The following PTPN4 variants were observed in gnomAD, a reference collection of about 807,000 sequenced individuals.
PTPN4 encodes protein tyrosine phosphatase non-receptor type 4.
Under a neutral mutation model 135.5 loss-of-function variants are expected in PTPN4, and 49 were observed. The observed-to-expected ratio is 0.36, with a 90% CI of 0.29 to 0.46. The LOEUF (loss-of-function observed/expected upper bound fraction) is 0.46. PTPN4 is among the 20% of genes least tolerant of loss of function. PTPN4 has a pLI of 1.00. For missense variants in PTPN4, 860 were observed against 1,101.0 expected (o/e 0.78, Z 3.10); for synonymous variants, 333 against 369.9 (o/e 0.90, Z 1.14).
rs1013570823 is a variant in PTPN4 at position 119,977,124 on chromosome 2, C to G, written c.*54C>G. On this transcript the variant is annotated 3_prime_UTR_variant, in exon 27 of 27. Transcript: ENST00000263708. ...GGAAAACTGCTTTCCCTTATGTTCA[C>G]TGTGCCATAATGCTGCTCGCAGGAA... is the stretch of plus-strand genomic sequence containing the variant. 1 of 1,531,402 alleles carries G rather than the reference C, an allele frequency of 6.5e-7. No homozygotes were observed. The highest frequency in any genetic ancestry group is 8.7e-7 in the Non-Finnish European group (1 of 1,145,964). 94.9% of individuals were successfully genotyped at this position (1,531,402 alleles called of 1,614,324 possible).
chr2:119,958,386 TAGAAAA>T (rs1436741690), intron 22 of PTPN4, among the ~76,000 whole-genome samples: 1 of 150,116 alleles, frequency 6.7e-6, no homozygotes, highest in African/African-American at 2.4e-5. Context: ...AGACAATTCA[TAGAAAA>T]GGAAATTATG....
At chr2:119,973,784 A>G (rs879608415) in intron 26 of PTPN4, among the ~76,000 whole-genome samples, 3 of 146,564 alleles carry the variant, frequency 2.0e-5, no homozygotes, top group Non-Finnish European at 4.4e-5. Context: ...TGTGTTTCCT[A>G]AAAGTGGTAC....
At chr2:119,762,625 T>G (rs898960330) in intron 1 of PTPN4, among the ~76,000 whole-genome samples, 28 of 152,124 alleles carry the variant, frequency 1.8e-4, no homozygotes, top group African/African-American at 6.5e-4. Context: ...ATGGCCACTT[T>G]TAAACAAGAA....
chr2:119,948,251 A>G (rs1219252171), intron 18 of PTPN4, among the ~76,000 whole-genome samples: 12 of 152,184 alleles, frequency 7.9e-5, no homozygotes, highest in Admixed American at 7.9e-4. Flanking sequence ...AAAACAGAAA[A>G]GAATAACAAT....
intron 12 of PTPN4, among the ~76,000 whole-genome samples, chr2:119,920,807 A>G (rs182877078): frequency 4.6e-5 from 7 of 152,296 alleles, no homozygotes. Context: ...GGAATAACTA[A>G]ATCTGAAGAA....
At chr2:119,839,855 T>G (rs996906014) in intron 2 of PTPN4, among the ~76,000 whole-genome samples, 2 of 152,174 alleles carry the variant, frequency 1.3e-5, no homozygotes, top group Admixed American at 1.3e-4. Context: ...GCAGCTTGCT[T>G]AGAGAGTAAG....
chr2:119,773,406 A>G (rs1307947031), intron 1 of PTPN4, among the ~76,000 whole-genome samples: 1 of 152,138 alleles, frequency 6.6e-6, no homozygotes, highest in Non-Finnish European at 1.5e-5. Context: ...ACACAGATGA[A>G]CTATATAGCC....
At chr2:119,909,463 C>G (rs929351409) in intron 10 of PTPN4, among the ~76,000 whole-genome samples, 1 of 152,154 alleles carries the variant, frequency 6.6e-6, no homozygotes, top group Non-Finnish European at 1.5e-5. Context: ...AGATTCCTTT[C>G]TGAATATTAC....
intron 5 of PTPN4, among the ~76,000 whole-genome samples, chr2:119,878,391 T>C (rs1678016901): frequency 6.6e-6 from 1 of 152,210 alleles, no homozygotes. Context: ...AATTCTCAGA[T>C]ATAAGAATAT....
intron 2 of PTPN4, among the ~76,000 whole-genome samples, chr2:119,844,169 C>T (rs1234493123): frequency 8.2e-6 from 1 of 121,632 alleles, no homozygotes; most frequent in Non-Finnish European, 1.8e-5. Flanking sequence ...CCCCCACCTC[C>T]CTCCCGGACG....
intron 1 of PTPN4, among the ~76,000 whole-genome samples, chr2:119,796,803 T>C (rs1691269555): frequency 6.6e-6 from 1 of 152,258 alleles, no homozygotes; most frequent in Middle Eastern, 3.4e-3. Flanking sequence ...CCACCAGTGA[T>C]GAATGAGAGA....
chr2:119,771,540 C>T (rs149324102), intron 1 of PTPN4: 2,568 of 152,244 alleles, frequency 0.017, 42 homozygotes, highest in Non-Finnish European at 0.027. Flanking sequence ...TGTGTTTTTC[C>T]GTGATTGCTG....
intron 1 of PTPN4, among the ~76,000 whole-genome samples, chr2:119,781,568 G>A (rs1690940258): frequency 6.6e-6 from 1 of 152,118 alleles, no homozygotes; most frequent in Admixed American, 6.5e-5. Context: ...TTTATCTTCA[G>A]TGTATTCTGC....
rs939830713 is a variant in PTPN4, at chr2:119,980,685, C to T, written c.*3615C>T. 2 of 151,838 alleles carry T rather than the reference C, an allele frequency of 1.3e-5. No homozygotes were observed. Among genetic ancestry groups the T allele is most frequent in the Non-Finnish European group, 2.9e-5 (2 of 67,898 alleles). 9.4% of individuals were successfully genotyped at this position (151,838 alleles called of 1,614,324 possible). ...TGTTTTCACTTAATAACTATGACAA[C>T]CTTAAAGGATGTCACTTAAGTTAGA... On this transcript the variant is annotated 3_prime_UTR_variant, in exon 27 of 27. Transcript: ENST00000263708.
intron 2 of PTPN4, among the ~76,000 whole-genome samples, chr2:119,862,039 C>T (rs374173670): frequency 3.3e-5 from 5 of 152,044 alleles, no homozygotes; most frequent in Non-Finnish European, 7.4e-5. Flanking sequence ...TGTCACTTTC[C>T]AGTCACAATT....
intron 26 of PTPN4, among the ~76,000 whole-genome samples, chr2:119,976,041 G>A (rs1039892577): frequency 6.8e-6 from 1 of 147,442 alleles, no homozygotes; most frequent in African/African-American, 2.5e-5. Context: ...TGTTGCCCAG[G>A]CTGGAGCACA....
At chr2:119,794,241 C>T (rs747460391) in intron 1 of PTPN4, among the ~76,000 whole-genome samples, 1 of 152,062 alleles carries the variant, frequency 6.6e-6, no homozygotes. Flanking sequence ...TTATAGGATC[C>T]GTGGGATATT....
At chr2:119,955,843 A>G (rs1679273138) in intron 20 of PTPN4, among the ~76,000 whole-genome samples, 1 of 152,122 alleles carries the variant, frequency 6.6e-6, no homozygotes, top group Non-Finnish European at 1.5e-5. Context: ...AGGCTGAGGC[A>G]GGAGAATGGC....
chr2:119,958,265 A>C (rs1277644380), intron 22 of PTPN4, among the ~76,000 whole-genome samples: 2 of 151,142 alleles, frequency 1.3e-5, no homozygotes, highest in Non-Finnish European at 2.9e-5. Flanking sequence ...TGAGCCTGAG[A>C]GGTTGAGGCT....
Sources: gnomAD v4.1 joint callset for allele counts (sites outside exome capture counted in the v4.1 genomes callset) on GRCh38, gnomAD v4.1.1 for gene constraint, MANE v1.5 for transcripts, NCBI Gene and HGNC (gene_info 2026-07-23, HGNC 2026-07-21) for gene names.